Variants in DTNB observed in about 807,000 individuals in gnomAD.
DTNB encodes dystrobrevin beta, also known as DTN-B.
In DTNB, 63 loss-of-function variants were observed where a neutral mutation model predicts 90.7. That is an observed-to-expected ratio of 0.69 (90% CI 0.57 to 0.86). The LOEUF (loss-of-function observed/expected upper bound fraction) is 0.86, where lower values mean the gene tolerates loss of function less well. DTNB is among the 40% of genes least tolerant of loss of function. The pLI is 0.00. For missense variants in DTNB, 744 were observed against 807.1 expected (o/e 0.92, Z 0.95); for synonymous variants, 277 against 286.7 (o/e 0.97, Z 0.34).
intron 14 of DTNB, 47 bp downstream of exon 14, chr2:25,432,839 A>G (rs1373544639): frequency 6.5e-7 from 1 of 1,539,922 alleles, no homozygotes; most frequent in Non-Finnish European, 8.8e-7. Flanking sequence ...GATAAGTTCC[A>G]TCCATAGTAG....
chr2:25,481,320 G>A (rs1271433080), intron 10 of DTNB, among the ~76,000 whole-genome samples: 1 of 151,534 alleles, frequency 6.6e-6, no homozygotes, highest in South Asian at 2.1e-4. Flanking sequence ...CAGGAGAATC[G>A]CTTGAACCTG....
intron 9 of DTNB, among the ~76,000 whole-genome samples, chr2:25,494,722 C>T (rs1036522130): frequency 6.6e-6 from 1 of 152,092 alleles, no homozygotes; most frequent in African/African-American, 2.4e-5. Flanking sequence ...ACAGCTTTAC[C>T]ACTGGAGAAT....
chr2:25,661,556 A>G (rs1465460231), intron 1 of DTNB, among the ~76,000 whole-genome samples: 1 of 152,250 alleles, frequency 6.6e-6, no homozygotes, highest in Non-Finnish European at 1.5e-5. Flanking sequence ...GGAAGGGGCT[A>G]TGACTGGGAT....
At chr2:25,546,499 A>G (rs953616393) in intron 8 of DTNB, among the ~76,000 whole-genome samples, 7 of 152,176 alleles carry the variant, frequency 4.6e-5, no homozygotes, top group Non-Finnish European at 1.0e-4. Context: ...CAGCTCTTCT[A>G]AAGTCCTGGC....
intron 9 of DTNB, among the ~76,000 whole-genome samples, chr2:25,514,681 C>CTTTT (rs560287104): frequency 1.6e-3 from 163 of 98,804 alleles, no homozygotes; most frequent in Non-Finnish European, 2.1e-3. Context: ...TGAAAAAAAT[C>CTTTT]TTTTTTTTTT....
chr2:25,608,455 AG>A (rs1452650637), intron 4 of DTNB, among the ~76,000 whole-genome samples: 1 of 152,274 alleles, frequency 6.6e-6, no homozygotes, highest in Admixed American at 6.5e-5. Flanking sequence ...AAAACAAAAT[AG>A]GAATGACTGC....
At chr2:25,409,394 A>T (rs2046053896) in intron 16 of DTNB, among the ~76,000 whole-genome samples, 1 of 152,224 alleles carries the variant, frequency 6.6e-6, no homozygotes, top group Non-Finnish European at 1.5e-5. Flanking sequence ...ACTGATGAGG[A>T]AAATGAGGTT....
chr2:25,540,703 ATTC>A (rs1235898427), intron 8 of DTNB, among the ~76,000 whole-genome samples: 3 of 152,108 alleles, frequency 2.0e-5, no homozygotes, highest in Non-Finnish European at 4.4e-5. Flanking sequence ...ACTAAGAAAA[ATTC>A]TTCTGCCTTG....
chr2:25,580,699 GA>G, intron 7 of DTNB, 21 bp downstream of exon 7: 1 of 1,598,602 alleles, frequency 6.3e-7, no homozygotes, highest in Non-Finnish European at 8.6e-7. Flanking sequence ...ATGCGGAATT[GA>G]ACAATAAAAG....
chr2:25,506,464 C>G (rs1004461095), intron 9 of DTNB, among the ~76,000 whole-genome samples: 6 of 151,550 alleles, frequency 4.0e-5, no homozygotes, highest in African/African-American at 1.5e-4. Flanking sequence ...GATTTCATCA[C>G]CCAGGTATTA....
chr2:25,557,341 C>A (rs1015537688), intron 8 of DTNB, among the ~76,000 whole-genome samples: 1 of 152,094 alleles, frequency 6.6e-6, no homozygotes, highest in African/African-American at 2.4e-5. Context: ...AATACCAGGA[C>A]AGAAAGCTCG....
At chr2:25,432,635 T>C (rs2054297703) in intron 14 of DTNB, among the ~76,000 whole-genome samples, 1 of 152,184 alleles carries the variant, frequency 6.6e-6, no homozygotes, top group African/African-American at 2.4e-5. Flanking sequence ...GTATAAACAG[T>C]GCCCTGCTGG....
At chr2:25,478,017 T>TAA (rs10601523) in intron 10 of DTNB, among the ~76,000 whole-genome samples, 1 of 146,246 alleles carries the variant, frequency 6.8e-6, no homozygotes, top group Non-Finnish European at 1.5e-5. Context: ...GTTTTTACTT[T>TAA]AAAAAAAAAA....
intron 9 of DTNB, among the ~76,000 whole-genome samples, chr2:25,513,754 A>C (rs79952235): frequency 6.6e-6 from 1 of 150,738 alleles, no homozygotes; most frequent in South Asian, 2.1e-4. Flanking sequence ...AAACAACCAA[A>C]AAAAAAAAAA....
At chr2:25,611,661 T>C (rs1559228867) in intron 4 of DTNB, among the ~76,000 whole-genome samples, 1 of 152,112 alleles carries the variant, frequency 6.6e-6, no homozygotes, top group Non-Finnish European at 1.5e-5. Context: ...AAGTCCGTCC[T>C]TAGGATCCTA....
intron 9 of DTNB, among the ~76,000 whole-genome samples, chr2:25,506,336 C>T (rs746900207): frequency 2.0e-5 from 3 of 151,880 alleles, no homozygotes; most frequent in Non-Finnish European, 4.4e-5. Context: ...TTCAAGGTGA[C>T]GGATACCCTA....
intron 9 of DTNB, among the ~76,000 whole-genome samples, chr2:25,511,419 C>T (rs1000773144): frequency 6.6e-6 from 1 of 152,054 alleles, no homozygotes; most frequent in African/African-American, 2.4e-5. Flanking sequence ...GCAACCTCCA[C>T]CTCCTGGGTT....
In DTNB at chr2:25,432,953, C is replaced by A; in HGVS notation, c.1390G>T (p.Ala464Ser). The A allele has an allele frequency of 6.2e-7, 1 of 1,611,210 alleles. No homozygotes were observed. The highest frequency in any genetic ancestry group is 1.1e-5 in the South Asian group (1 of 90,376). The change falls in exon 14 of 21, where the codon GCC (alanine) becomes TCC (serine). Residue 464 changes from alanine (A) to serine (S), a missense_variant. Physicochemically the swap from Ala to Ser is moderately conservative, Grantham distance 99. Transcript: ENST00000406818. ...GCCTTCTCAGGGGTGGGCTGGGAGG[C>A]CTGCTCGTGTTCCAGGCGGAGACGC... ...IQRLRLEHEQ[A>S]SQPTPEKAQQ... is the part of the protein sequence containing the mutation.
At chr2:25,526,395 A>ATATATATATATTTTTTTT in intron 9 of DTNB, among the ~76,000 whole-genome samples, 1 of 49,828 alleles carries the variant, frequency 2.0e-5, no homozygotes, top group African/African-American at 9.8e-5. Flanking sequence ...ATATATATAT[A>ATATATATATATTTTTTTT]TTTTTTTTTT....
Sources: gnomAD v4.1 joint callset for allele counts (sites outside exome capture counted in the v4.1 genomes callset) on GRCh38, gnomAD v4.1.1 for gene constraint, MANE v1.5 for transcripts, NCBI Gene and HGNC (gene_info 2026-07-23, HGNC 2026-07-21) for gene names.